The following CA5A variants were observed in gnomAD, a reference collection of about 807,000 sequenced individuals.
CA5A encodes the protein carbonic anhydrase 5A.
Under a neutral mutation model 37.1 loss-of-function variants are expected in CA5A, and 28 were observed. The ratio of observed to expected loss-of-function variants is 0.75; its 90% CI spans 0.56 to 1.03. The LOEUF (loss-of-function observed/expected upper bound fraction) is 1.03. Ranked by LOEUF, CA5A falls within the 50% of genes least tolerant of loss-of-function variation. The pLI, the probability that CA5A is intolerant of heterozygous loss-of-function variation, is 0.00. For missense variants in CA5A, 444 were observed against 399.9 expected, an observed-to-expected ratio of 1.11 and a Z score of -0.94; for synonymous variants, 171 against 158.4, an observed-to-expected ratio of 1.08 and a Z score of -0.60.
At chr16:87,899,533 C>A (rs1280152798) in intron 5 of CA5A, among the ~76,000 whole-genome samples, 1 of 150,900 alleles carries the variant, frequency 6.6e-6, no homozygotes, top group African/African-American at 2.4e-5. Context: ...GAACACCTGA[C>A]CTCAAGTGAT....
At chr16:87,899,961 CTCTT>C (rs1164976134) in intron 5 of CA5A, among the ~76,000 whole-genome samples, 9 of 122,034 alleles carry the variant, frequency 7.4e-5, no homozygotes, top group Non-Finnish European at 1.2e-4. Context: ...AAGAGTCTAA[CTCTT>C]TATTTTCAGC....
chr16:87,896,138 G>C (rs1052389475), intron 5 of CA5A, among the ~76,000 whole-genome samples: 5 of 152,224 alleles, frequency 3.3e-5, no homozygotes, highest in Non-Finnish European at 7.3e-5. Flanking sequence ...TACTGATGAA[G>C]ATAGACAGAC....
chr16:87,926,691 C>T, intron 2 of CA5A, 57 bp downstream of exon 2: 2 of 1,403,626 alleles, frequency 1.4e-6, no homozygotes, highest in South Asian at 1.2e-5. Flanking sequence ...AAGCTCTTGA[C>T]CCTGCTGCCA....
At chr16:87,925,378 C>A (rs541874113) in intron 2 of CA5A, among the ~76,000 whole-genome samples, 2 of 152,166 alleles carry the variant, frequency 1.3e-5, no homozygotes, top group Non-Finnish European at 2.9e-5. Flanking sequence ...ACGGACAGGA[C>A]GGACTTAATT....
chr16:87,927,036 C>G (rs982484557), intron 1 of CA5A, 91 bp from the exon 2 acceptor site: 8 of 895,772 alleles, frequency 8.9e-6, no homozygotes, highest in Non-Finnish European at 1.4e-5. Flanking sequence ...GCACGAGACC[C>G]CTCACGTCCT....
chr16:87,916,766 T>C (rs926692776), intron 2 of CA5A, among the ~76,000 whole-genome samples: 1 of 151,940 alleles, frequency 6.6e-6, no homozygotes, highest in Non-Finnish European at 1.5e-5. Context: ...CACACAGGGG[T>C]CGCGGTGCAC....
chr16:87,928,123 C>T (rs1567537383), intron 1 of CA5A, among the ~76,000 whole-genome samples: 1 of 152,258 alleles, frequency 6.6e-6, no homozygotes, highest in East Asian at 1.9e-4. Context: ...TGGCTCCTGT[C>T]CTCACCTTCA....
intron 5 of CA5A, 135 bp downstream of exon 5, chr16:87,901,777 G>A: frequency 3.4e-6 from 2 of 596,720 alleles, no homozygotes; most frequent in South Asian, 3.1e-5. Context: ...AGTGGAGACG[G>A]GGTTTCTCCA....
chr16:87,916,016 G>T (rs12934802), intron 2 of CA5A, among the ~76,000 whole-genome samples: 81,307 of 151,434 alleles, frequency 0.54, 24,158 homozygotes, highest in Non-Finnish European at 0.68. Flanking sequence ...TCTTGCATGG[G>T]GGCAGCCAAG....
chr16:87,893,352 C>T (rs1204618484), intron 5 of CA5A: 2 of 405,252 alleles, frequency 4.9e-6, no homozygotes, highest in Non-Finnish European at 9.6e-6. Flanking sequence ...TGGTCTCGAT[C>T]TCCTGACCTC....
chr16:87,889,918 C>G (rs964920904), intron 6 of CA5A, among the ~76,000 whole-genome samples: 17 of 152,278 alleles, frequency 1.1e-4, no homozygotes, highest in African/African-American at 3.4e-4. Flanking sequence ...TGACAGCATA[C>G]TGGTCCAGTT....
rs1478928790 is a variant in CA5A, at chr16:87,921,873, TTATTA to T, written c.340+4870_340+4874del. Among the ~76,000 whole-genome samples, 15 of 50,408 alleles carry T rather than the reference TTATTA, an allele frequency of 3.0e-4. No individual in the cohort carries two copies. The East Asian group carries it at 3.4e-3, about 11-fold the overall frequency. The allele number at this position is 50,408 out of a possible 152,430, so 33.1% of individuals were successfully genotyped here. A position where few individuals can be genotyped will look rare whatever the true frequency, so the allele number is the denominator to read the frequency against. ...TTGTGTGTTATTGTTATTATTATTA[TTATTA>T]TTTTTGAGAGACAGGATCTCGCTGT... is the stretch of plus-strand genomic sequence containing the variant. On this transcript the variant is annotated intron_variant, in intron 2 of 6. Coordinates refer to ENST00000649794, the MANE Select transcript of CA5A (RefSeq NM_001739.2).
intron 2 of CA5A, among the ~76,000 whole-genome samples, chr16:87,920,553 A>T (rs886560222): frequency 1.7e-4 from 26 of 151,884 alleles, no homozygotes; most frequent in African/African-American, 6.0e-4. Context: ...CAGATGATCC[A>T]CCTGCCTCTG....
At chr16:87,914,977 G>A (rs1429846175) in intron 2 of CA5A, among the ~76,000 whole-genome samples, 8 of 152,244 alleles carry the variant, frequency 5.3e-5, no homozygotes, top group Admixed American at 4.6e-4. Flanking sequence ...CGGGCACCGA[G>A]TTGACGGGTG....
chr16:87,923,786 C>T (rs1373492512), intron 2 of CA5A: 2 of 985,100 alleles, frequency 2.0e-6, no homozygotes, highest in Non-Finnish European at 2.4e-6. Context: ...GACCCACAGC[C>T]ACATCTAAAA....
At chr16:87,906,526 C>G (rs2055964127) in intron 2 of CA5A, among the ~76,000 whole-genome samples, 1 of 152,052 alleles carries the variant, frequency 6.6e-6, no homozygotes, top group African/African-American at 2.4e-5. Flanking sequence ...ACTCGGGAGG[C>G]TGAGGCAGGA....
chr16:87,882,876 A>T (rs1176044452), intron 4 of CA5A: 1 of 152,306 alleles, frequency 6.6e-6, no homozygotes, highest in East Asian at 1.9e-4. Context: ...ACCAAGTGTG[A>T]TCTCCTTTAA....
At chr16:87,934,397 T>C (rs1282819985) in intron 1 of CA5A, among the ~76,000 whole-genome samples, 1 of 152,110 alleles carries the variant, frequency 6.6e-6, no homozygotes, top group Non-Finnish European at 1.5e-5. Flanking sequence ...GGAGAATCCC[T>C]GTATCTACTA....
intron 2 of CA5A, among the ~76,000 whole-genome samples, chr16:87,907,091 G>A (rs1342715492): frequency 1.3e-5 from 2 of 152,128 alleles, no homozygotes; most frequent in Non-Finnish European, 2.9e-5. Flanking sequence ...ATTGGTGGGT[G>A]CCTGTAATCC....
Sources: allele counts gnomAD v4.1 joint callset (sites outside exome capture counted in the v4.1 genomes callset), GRCh38; gene constraint gnomAD v4.1.1; transcripts MANE v1.5; gene names NCBI Gene and HGNC (gene_info 2026-07-23, HGNC 2026-07-21).